MEF2A: variants seen among roughly 807,000 people sequenced by gnomAD.
The protein encoded by MEF2A is myocyte-specific enhancer factor 2A.
In MEF2A, 28 loss-of-function variants were observed where a neutral mutation model predicts 55.8. The observed-to-expected ratio is 0.50, with a 90% CI of 0.37 to 0.69. MEF2A has a LOEUF of 0.69. Among genes scored for constraint, MEF2A ranks in the 30% least tolerant of loss-of-function variants. The pLI is 0.00. For missense variants in MEF2A, 528 were observed against 626.2 expected (o/e 0.84, Z 1.67); for synonymous variants, 239 against 227.1 (o/e 1.05, Z -0.47).
At chr15:99,620,337 C>G (rs1215164483) in intron 2 of MEF2A, among the ~76,000 whole-genome samples, 1 of 152,140 alleles carries the variant, frequency 6.6e-6, no homozygotes, top group African/African-American at 2.4e-5. Flanking sequence ...CTTTACCCAC[C>G]TCTTACGCTC....
At chr15:99,568,045 C>T (rs551679632) in intron 1 of MEF2A, among the ~76,000 whole-genome samples, 1 of 152,236 alleles carries the variant, frequency 6.6e-6, no homozygotes, top group East Asian at 1.9e-4. Context: ...TAATGGTGAC[C>T]TCTCTAAACG....
intron 3 of MEF2A, among the ~76,000 whole-genome samples, chr15:99,637,261 A>T (rs142102148): frequency 6.6e-6 from 1 of 152,196 alleles, no homozygotes; most frequent in East Asian, 1.9e-4. Flanking sequence ...GTAGGGATCT[A>T]TTTAGGGAGA....
At chr15:99,637,425 CATT>C (rs1367503841) in intron 3 of MEF2A, among the ~76,000 whole-genome samples, 1 of 152,084 alleles carries the variant, frequency 6.6e-6, no homozygotes, top group Non-Finnish European at 1.5e-5. Flanking sequence ...TTTTCTAAAG[CATT>C]ATTAACATTT....
chr15:99,699,968 G>T (rs12906668), intron 8 of MEF2A, among the ~76,000 whole-genome samples: 35,682 of 95,276 alleles, frequency 0.37, 4,703 homozygotes, highest in African/African-American at 0.45. Flanking sequence ...GTGTGTGTGT[G>T]TGTGTGTGTG....
intron 1 of MEF2A, among the ~76,000 whole-genome samples, chr15:99,578,790 A>G (rs367988573): frequency 6.6e-6 from 1 of 152,242 alleles, no homozygotes; most frequent in South Asian, 2.1e-4. Context: ...ATAGCATTCA[A>G]AAACTTTATC....
chr15:99,578,281 G>A (rs1191152285), intron 1 of MEF2A, among the ~76,000 whole-genome samples: 1 of 152,106 alleles, frequency 6.6e-6, no homozygotes, highest in Non-Finnish European at 1.5e-5. Context: ...ATTTATATCA[G>A]TATGGACTTA....
At chr15:99,659,691 G>A (rs1048394673) in intron 4 of MEF2A, among the ~76,000 whole-genome samples, 1 of 152,018 alleles carries the variant, frequency 6.6e-6, no homozygotes, top group Non-Finnish European at 1.5e-5. Flanking sequence ...TGGATCTCTG[G>A]ATCTCTTTTA....
intron 2 of MEF2A, among the ~76,000 whole-genome samples, chr15:99,602,869 G>C (rs935449800): frequency 1.1e-4 from 16 of 150,432 alleles, no homozygotes; most frequent in Non-Finnish European, 1.5e-5. Context: ...CTATGAATTT[G>C]GTTTCCTTAA....
chr15:99,600,929 A>G (rs1044959239), intron 2 of MEF2A, among the ~76,000 whole-genome samples: 1 of 152,118 alleles, frequency 6.6e-6, no homozygotes, highest in Admixed American at 6.6e-5. Context: ...TAATTTCTAC[A>G]AAAAAAGCCT....
chr15:99,673,185 T>A (rs1343065861), intron 5 of MEF2A, among the ~76,000 whole-genome samples: 1 of 152,176 alleles, frequency 6.6e-6, no homozygotes, highest in Non-Finnish European at 1.5e-5. Context: ...GATTTTGGAT[T>A]TTCAGATTAG....
At chr15:99,690,626 C>G (rs2153718675) in intron 8 of MEF2A, 198 bp downstream of exon 8, 1 of 706,190 alleles carries the variant, frequency 1.4e-6, no homozygotes, top group East Asian at 2.8e-5. Context: ...ATTTGCTTAA[C>G]AGTTACTTAA....
Position 99,578,059 on chromosome 15 carries a change from T to C in MEF2A, c.-225+11955T>C, listed in dbSNP as rs145907914. Among the ~76,000 whole-genome samples, 457 of 152,302 alleles carry C rather than the reference T, an allele frequency of 3.0e-3. 4 individuals carry two copies. The highest frequency in any genetic ancestry group is 0.01 in the African/African-American group (428 of 41,568). On this transcript the variant is annotated intron_variant, in intron 1 of 11. Coordinates refer to ENST00000557942, the MANE Select transcript of MEF2A (RefSeq NM_001319206.4). ...AAAGTCATAGTGTAGTTGATAAATA[T>C]TTTGGGGGAGATACTTTGAGATTAT...
intron 7 of MEF2A, among the ~76,000 whole-genome samples, chr15:99,681,258 G>A (rs2053196635): frequency 6.6e-6 from 1 of 152,180 alleles, no homozygotes; most frequent in East Asian, 1.9e-4. Context: ...TTGCATTGTA[G>A]CAGGCACATT....
At chr15:99,691,962 GA>G (rs965046300) in intron 8 of MEF2A, among the ~76,000 whole-genome samples, 2 of 151,760 alleles carry the variant, frequency 1.3e-5, no homozygotes, top group African/African-American at 4.8e-5. Flanking sequence ...GCTTCCTGTA[GA>G]AAAAAAACTA....
At chr15:99,674,201 G>A (rs1352063716) in intron 5 of MEF2A, among the ~76,000 whole-genome samples, 192 bp from the exon 6 acceptor site, 1 of 151,960 alleles carries the variant, frequency 6.6e-6, no homozygotes, top group Non-Finnish European at 1.5e-5. Flanking sequence ...AAATTGAAAA[G>A]GCTCATGTCA....
intron 4 of MEF2A, among the ~76,000 whole-genome samples, chr15:99,659,426 A>G (rs952177150): frequency 6.6e-6 from 1 of 152,172 alleles, no homozygotes; most frequent in Non-Finnish European, 1.5e-5. Flanking sequence ...TGATAAGATC[A>G]TGGAGGAACT....
rs76854736 is a variant in MEF2A, at chr15:99,636,783, T to C, written c.54+3610T>C. On this transcript the variant is annotated intron_variant, in intron 3 of 11. Coordinates refer to ENST00000557942, the MANE Select transcript of MEF2A (RefSeq NM_001319206.4). Reference sequence around the variant, plus strand: ...ATAAGGCCATAAAGATATTCTTCTATGCTTTCTTCTGTAAGGACTCTTTTT... The same window carrying C: ...ATAAGGCCATAAAGATATTCTTCTACGCTTTCTTCTGTAAGGACTCTTTTT... 6.8e-3 allele frequency among the ~76,000 whole-genome samples: 1,036 copies of C among 151,752 alleles called. 11 individuals are homozygous for C. The highest frequency in any genetic ancestry group is 0.024 in the African/African-American group (987 of 41,254).
chr15:99,636,449 G>T (rs1161602462), intron 3 of MEF2A, among the ~76,000 whole-genome samples: 1 of 152,136 alleles, frequency 6.6e-6, no homozygotes, highest in East Asian at 1.9e-4. Flanking sequence ...GGGCTCAAGT[G>T]ATCCTCTCAT....
At chr15:99,707,743 A>G (rs147882540) in intron 10 of MEF2A, among the ~76,000 whole-genome samples, 6 of 152,312 alleles carry the variant, frequency 3.9e-5, no homozygotes, top group African/African-American at 1.4e-4. Context: ...AGAAGTTATT[A>G]TGATTCTCCT....
Sources: gnomAD v4.1 joint callset for allele counts (sites outside exome capture counted in the v4.1 genomes callset) on GRCh38, gnomAD v4.1.1 for gene constraint, MANE v1.5 for transcripts, NCBI Gene and HGNC (gene_info 2026-07-23, HGNC 2026-07-21) for gene names.